The following KYNU variants were observed in gnomAD, a reference collection of about 807,000 sequenced individuals.
KYNU encodes the protein L-kynurenine hydrolase.
In KYNU, 54 loss-of-function variants were observed where a neutral mutation model predicts 59.2. The observed-to-expected ratio is 0.91, with a 90% CI of 0.73 to 1.14. The LOEUF (loss-of-function observed/expected upper bound fraction) is 1.14. Among genes scored for constraint, KYNU ranks in the 50% most tolerant of loss-of-function variants. The pLI, the probability that KYNU is intolerant of heterozygous loss-of-function variation, is 0.00. For missense variants in KYNU, 567 were observed against 554.4 expected (o/e 1.02, Z -0.23); for synonymous variants, 177 against 192.0 (o/e 0.92, Z 0.65).
At chr2:142,977,002 A>G (rs1049810224) in intron 8 of KYNU, among the ~76,000 whole-genome samples, 14 of 152,160 alleles carry the variant, frequency 9.2e-5, no homozygotes, top group Non-Finnish European at 1.5e-4. Flanking sequence ...GGCTGTGGAC[A>G]CCAAGGTTTT....
At chr2:142,919,997 G>A (rs1217878305) in intron 3 of KYNU, among the ~76,000 whole-genome samples, 1 of 152,126 alleles carries the variant, frequency 6.6e-6, no homozygotes, top group African/African-American at 2.4e-5. Flanking sequence ...GCTTGAACCC[G>A]GGAGGCAGAG....
rs16858205 is a variant in KYNU at position 142,885,490 on chromosome 2, C to T, written c.123C>T (p.His41=). The change falls in exon 2 of 14, where the codon CAC becomes CAT. Residue 41 remains histidine (H), a synonymous_variant. Coordinates refer to ENST00000264170, the MANE Select transcript of KYNU (RefSeq NM_003937.3). The part of the protein sequence containing the change: ...LHLDEEDKLR[H]FRECFYIPKI... ...TAGATGAGGAAGATAAGCTGAGGCA[C>T]TTCAGGGAGTGCTTTTATATTCCCA... 3,226 of 1,613,930 alleles carry T rather than the reference C, an allele frequency of 2.0e-3. 50 individuals are homozygous for T. The African/African-American group carries it at 0.033, about 17-fold the overall frequency.
At chr2:142,909,196 T>C (rs180962852) in intron 2 of KYNU, among the ~76,000 whole-genome samples, 15 of 151,718 alleles carry the variant, frequency 9.9e-5, no homozygotes, top group African/African-American at 3.1e-4. Flanking sequence ...TGATAGGTAA[T>C]CCATATTTGT....
intron 2 of KYNU, among the ~76,000 whole-genome samples, chr2:142,889,033 A>C (rs1681611369): frequency 6.6e-6 from 1 of 151,744 alleles, no homozygotes; most frequent in Admixed American, 6.6e-5. Flanking sequence ...AGTGAGCCTC[A>C]TGGAGCACAG....
At chr2:142,922,465 C>T (rs1682916118) in intron 3 of KYNU, among the ~76,000 whole-genome samples, 1 of 152,150 alleles carries the variant, frequency 6.6e-6, no homozygotes, top group Non-Finnish European at 1.5e-5. Context: ...GAGATTGTGA[C>T]ACTGCACTCC....
chr2:142,889,564 CA>C (rs11365726), intron 2 of KYNU, among the ~76,000 whole-genome samples: 83,903 of 151,918 alleles, frequency 0.55, 24,213 homozygotes, highest in African/African-American at 0.7. Context: ...GAGGCCCTCT[CA>C]AATCTCCTTC....
chr2:142,947,378 T>C, intron 4 of KYNU: 2 of 724,792 alleles, frequency 2.8e-6, no homozygotes, highest in South Asian at 4.4e-5. Context: ...TGTGTCTTTT[T>C]AAAAAATAGT....
chr2:142,952,807 G>T (rs771515294), intron 4 of KYNU, among the ~76,000 whole-genome samples: 1 of 151,984 alleles, frequency 6.6e-6, no homozygotes, highest in African/African-American at 2.4e-5. Context: ...TTTTATTTGT[G>T]ATAATTATTT....
intron 2 of KYNU, among the ~76,000 whole-genome samples, chr2:142,910,610 G>A (rs1182702248): frequency 2.0e-5 from 3 of 152,032 alleles, no homozygotes; most frequent in Non-Finnish European, 4.4e-5. Flanking sequence ...GGGGGTTTTT[G>A]CAATTGTTAT....
intron 8 of KYNU, among the ~76,000 whole-genome samples, chr2:142,969,311 T>A (rs1362474146): frequency 6.6e-6 from 1 of 152,172 alleles, no homozygotes; most frequent in Non-Finnish European, 1.5e-5. Flanking sequence ...AAAATGTTGA[T>A]TAAGGAATTT....
chr2:142,956,146 T>A, intron 5 of KYNU, 57 bp from the exon 6 acceptor site: 1 of 952,114 alleles, frequency 1.1e-6, no homozygotes, highest in Non-Finnish European at 1.7e-6. Flanking sequence ...TGACATAAAA[T>A]GAACAAATGT....
At chr2:142,958,554 A>G (rs1434796666) in intron 7 of KYNU, among the ~76,000 whole-genome samples, 1 of 152,208 alleles carries the variant, frequency 6.6e-6, no homozygotes, top group Admixed American at 6.5e-5. Context: ...GATGTACTCT[A>G]TTCACTTCCA....
chr2:142,948,958 A>G (rs764330807), intron 4 of KYNU, among the ~76,000 whole-genome samples: 2 of 152,238 alleles, frequency 1.3e-5, no homozygotes, highest in African/African-American at 2.4e-5. Flanking sequence ...CTTAAATACA[A>G]TGGAGGTACA....
chr2:142,908,869 C>T (rs1401099788), intron 2 of KYNU, among the ~76,000 whole-genome samples: 2 of 152,104 alleles, frequency 1.3e-5, no homozygotes, highest in African/African-American at 4.8e-5. Flanking sequence ...CTCCTGACCT[C>T]GTGATCCACC....
At chr2:142,974,945 C>T (rs553552882) in intron 8 of KYNU, among the ~76,000 whole-genome samples, 2 of 152,218 alleles carry the variant, frequency 1.3e-5, no homozygotes, top group African/African-American at 2.4e-5. Flanking sequence ...TAAGCTACTA[C>T]ACTTTTTTAA....
rs1228331458 is a variant in KYNU, at chr2:143,054,797, T to C, written c.*12625T>C. ...CAACATGTCAGTGGCATGAATACAA[T>C]AGGAGGCAGGTAGGGAGAAGGCACT... On this transcript the variant is annotated 3_prime_UTR_variant, in exon 14 of 14. Transcript: ENST00000264170. The C allele has an allele frequency of 6.6e-6, 1 of 151,310 alleles. No individual in the cohort carries two copies. Among genetic ancestry groups the C allele is most frequent in the African/African-American group, 2.5e-5 (1 of 40,656 alleles). The allele number at this position is 151,310 out of a possible 1,614,324, so 9.4% of individuals were successfully genotyped here.
intron 4 of KYNU, among the ~76,000 whole-genome samples, chr2:142,936,983 G>A (rs1219677938): frequency 6.6e-6 from 1 of 152,226 alleles, no homozygotes; most frequent in Non-Finnish European, 1.5e-5. Flanking sequence ...GCGCCTGGGT[G>A]CAGGTGGGCT....
intron 10 of KYNU, among the ~76,000 whole-genome samples, chr2:142,995,675 G>A (rs1685518657): frequency 6.6e-6 from 1 of 152,034 alleles, no homozygotes; most frequent in South Asian, 2.1e-4. Context: ...ATCAAGGGGT[G>A]AATGTACAGT....
At chr2:143,007,158 A>G (rs1327892165) in intron 10 of KYNU, among the ~76,000 whole-genome samples, 1 of 151,616 alleles carries the variant, frequency 6.6e-6, no homozygotes, top group African/African-American at 2.4e-5. Context: ...GAAAACTTCG[A>G]AAAAAATTTA....
Sources: allele counts gnomAD v4.1 joint callset (sites outside exome capture counted in the v4.1 genomes callset), GRCh38; gene constraint gnomAD v4.1.1; transcripts MANE v1.5; gene names NCBI Gene and HGNC (gene_info 2026-07-23, HGNC 2026-07-21).